The following GLB1 variants were observed in gnomAD, a reference collection of about 807,000 sequenced individuals.
GLB1 encodes the protein galactosidase beta 1.
Under a neutral mutation model 74.0 loss-of-function variants are expected in GLB1, and 56 were observed. That is an observed-to-expected ratio of 0.76 (90% CI 0.61 to 0.94). GLB1 has a LOEUF of 0.94. Among genes scored for constraint, GLB1 ranks in the 40% least tolerant of loss-of-function variants. GLB1 has a pLI of 0.00. For synonymous variants in GLB1, 323 were observed against 323.6 expected, an observed-to-expected ratio of 1.00 and a Z score of 0.02; for missense variants, 787 against 845.5, an observed-to-expected ratio of 0.93 and a Z score of 0.86.
Position 32,997,160 on chromosome 3 carries a change from T to A in GLB1, c.1919A>T (p.Asp640Val). Residue 640 changes from aspartate (D) to valine (V), a missense_variant, in exon 16 of 16, where the codon GAC becomes GTC. Asp to Val is a radical substitution (Grantham distance 152). Coordinates refer to ENST00000307363, the MANE Select transcript of GLB1 (RefSeq NM_000404.4). ...CACAGATGAGCCAATAACTGGCCTG[T>A]CCACGAACGTCACAGCACATAGTTC... The part of the protein sequence containing the change: ...DPELCAVTFV[D>V]RPVIGSSVTY... 1 of 1,614,170 alleles carries A rather than the reference T, an allele frequency of 6.2e-7. No individual in the cohort carries two copies. Among genetic ancestry groups the A allele is most frequent in the Non-Finnish European group, 8.5e-7 (1 of 1,180,034 alleles).
intron 15 of GLB1, among the ~76,000 whole-genome samples, chr3:32,997,632 G>A (rs1183709356): frequency 6.6e-6 from 1 of 152,130 alleles, no homozygotes; most frequent in East Asian, 1.9e-4. Context: ...TCCCTCTGAC[G>A]GGCTTCAGTG....
At chr3:33,017,004 C>A (rs767800695) in intron 13 of GLB1, among the ~76,000 whole-genome samples, 164 bp from the exon 14 acceptor site, 3 of 152,204 alleles carry the variant, frequency 2.0e-5, no homozygotes, top group Non-Finnish European at 4.4e-5. Context: ...CCGGCCAGGT[C>A]GGAAAGATCC....
In GLB1 at chr3:32,997,205, G is replaced by C; in HGVS notation, c.1874C>G (p.Pro625Arg). ...TITVLELEWA[P>R]CSSDDPELCA... ...TAGTTCTGGATCATCACTGCTGCAG[G>C]GTGCCCACTCCAGTTCCAGCACGGT... Residue 625 changes from proline to arginine, a missense_variant, in exon 16 of 16, where the codon CCC becomes CGC. Physicochemically the swap from Pro to Arg is moderately radical, Grantham distance 103. Transcript: ENST00000307363. 1 of 1,614,194 alleles carries C rather than the reference G, an allele frequency of 6.2e-7. No individual in the cohort carries two copies. The highest frequency in any genetic ancestry group is 1.7e-5 in the Admixed American group (1 of 60,022).
At chr3:32,986,834 A>G in the GLB1 span, among the ~76,000 whole-genome samples, 12,729 of 151,576 alleles carry the variant, frequency 0.084, 669 homozygotes, top group African/African-American at 0.15. Flanking sequence ...CAGATGATCC[A>G]CTCGCCTTCG....
intron 15 of GLB1, among the ~76,000 whole-genome samples, chr3:33,012,092 C>T (rs770530577): frequency 2.0e-5 from 3 of 152,204 alleles, no homozygotes; most frequent in East Asian, 1.9e-4. Flanking sequence ...ATCAGCCTTA[C>T]GTCCTCTTTT....
At chr3:33,089,437 C>T (rs893762515) in intron 1 of GLB1, among the ~76,000 whole-genome samples, 6 of 152,074 alleles carry the variant, frequency 3.9e-5, no homozygotes, top group Non-Finnish European at 8.8e-5. Flanking sequence ...AATTAAATAA[C>T]CTGATTTAAA....
At chr3:32,994,904 G>A (rs1696280770), downstream of GLB1, among the ~76,000 whole-genome samples, 1 of 144,252 alleles carries the variant, frequency 6.9e-6, no homozygotes, top group Non-Finnish European at 1.5e-5. Flanking sequence ...CTGGGTGACA[G>A]AGCAAGACTC....
intron 1 of GLB1, chr3:33,096,618 G>A: frequency 1.9e-6 from 2 of 1,064,402 alleles, no homozygotes; most frequent in Non-Finnish European, 1.1e-6. Context: ...GCACCAACTG[G>A]GAAAGCGAGG....
chr3:32,983,693 T>C, the GLB1 span, among the ~76,000 whole-genome samples: 1 of 152,148 alleles, frequency 6.6e-6, no homozygotes, highest in South Asian at 2.1e-4. Flanking sequence ...TTCTTATTGT[T>C]TTTGAGATAG....
chr3:33,030,277 T>C (rs1697949982), intron 10 of GLB1: 1 of 156,662 alleles, frequency 6.4e-6, no homozygotes, highest in Non-Finnish European at 1.4e-5. Flanking sequence ...CATCAGTGTT[T>C]TAGATACTAC....
At chr3:33,039,336 A>G (rs1698412296) in intron 10 of GLB1, among the ~76,000 whole-genome samples, 1 of 151,880 alleles carries the variant, frequency 6.6e-6, no homozygotes, top group South Asian at 2.1e-4. Context: ...AAACAGACCC[A>G]TAAGACATCA....
intron 9 of GLB1, 128 bp downstream of exon 9, chr3:33,051,620 GAAAAAGAAAA>G (rs1698991585): frequency 3.2e-6 from 3 of 944,568 alleles, no homozygotes; most frequent in Non-Finnish European, 2.9e-6. Flanking sequence ...AAAAAAAAAA[GAAAAAGAAAA>G]AAAAAGAAAA....
At chr3:32,999,952 T>C (rs1018680182) in intron 15 of GLB1, among the ~76,000 whole-genome samples, 4 of 148,130 alleles carry the variant, frequency 2.7e-5, no homozygotes, top group African/African-American at 1.0e-4. Flanking sequence ...TGCCTGGCCT[T>C]TTTCTTTTTC....
intron 12 of GLB1, 197 bp downstream of exon 12, chr3:33,021,369 A>G: frequency 3.1e-6 from 2 of 639,268 alleles, no homozygotes; most frequent in East Asian, 5.5e-5. Context: ...AGTGGGGCAA[A>G]AAATATAGGC....
downstream of GLB1, among the ~76,000 whole-genome samples, chr3:32,993,213 T>C (rs2125440781): frequency 6.6e-6 from 1 of 152,294 alleles, no homozygotes; most frequent in Middle Eastern, 3.4e-3. Context: ...GGATTAGCAT[T>C]AAACAATTTC....
intron 10 of GLB1, chr3:33,037,811 T>C (rs1698338839): frequency 6.6e-6 from 1 of 152,168 alleles, no homozygotes; most frequent in Non-Finnish European, 1.5e-5. Context: ...GTTTGAAATT[T>C]TACAATGACA....
chr3:33,096,572 T>G (rs1701038158), intron 1 of GLB1: 1 of 1,028,588 alleles, frequency 9.7e-7, no homozygotes, highest in African/African-American at 1.7e-5. Flanking sequence ...GGGCCTCTCC[T>G]GACCCCATTT....
In GLB1 at chr3:33,016,817, T is replaced by C; in HGVS notation, c.1371A>G (p.Arg457=). 1 of 1,614,144 alleles carries C rather than the reference T, an allele frequency of 6.2e-7. No individual in the cohort carries two copies. The highest frequency in any genetic ancestry group is 8.5e-7 in the Non-Finnish European group (1 of 1,179,982). ...VDGIPQGVLE[R]NNVITLNITG... ...TTATGTTCAGAGTGATCACATTGTT[T>C]CGCTCAAGGACTCCCTGGGGGATCT... The change falls in exon 14 of 16, where the codon CGA becomes CGG. Residue 457 remains arginine (R), a synonymous_variant. Coordinates refer to ENST00000307363, the MANE Select transcript of GLB1 (RefSeq NM_000404.4).
At chr3:33,065,758 G>A (rs1699647044) in intron 4 of GLB1, among the ~76,000 whole-genome samples, 1 of 152,068 alleles carries the variant, frequency 6.6e-6, no homozygotes, top group South Asian at 2.1e-4. Context: ...ACCAGATGTC[G>A]GGAGTTCGAG....
Sources: gnomAD v4.1 joint callset for allele counts (sites outside exome capture counted in the v4.1 genomes callset) on GRCh38, gnomAD v4.1.1 for gene constraint, MANE v1.5 for transcripts, NCBI Gene and HGNC (gene_info 2026-07-23, HGNC 2026-07-21) for gene names.